The following MGAT5 variants were observed in gnomAD, a reference collection of about 807,000 sequenced individuals.
MGAT5 encodes the protein alpha-1,6-mannosylglycoprotein 6-beta-N-acetylglucosaminyltransferase A.
A neutral mutation model predicts 94.3 loss-of-function variants in MGAT5; 30 were observed. The observed-to-expected ratio is 0.32, with a 90% CI of 0.24 to 0.43. The LOEUF (loss-of-function observed/expected upper bound fraction) is 0.43. Ranked by LOEUF, MGAT5 falls within the 20% of genes least tolerant of loss-of-function variation. MGAT5 has a pLI of 1.00. For missense variants in MGAT5, 691 were observed against 905.5 expected, an observed-to-expected ratio of 0.76 and a Z score of 3.04; for synonymous variants, 310 against 322.9, an observed-to-expected ratio of 0.96 and a Z score of 0.43.
At chr2:134,386,065 G>A (rs546765587) in intron 10 of MGAT5, among the ~76,000 whole-genome samples, 1 of 152,206 alleles carries the variant, frequency 6.6e-6, no homozygotes, top group East Asian at 1.9e-4. Context: ...ATTTTGATCC[G>A]GTGACAAATT....
At chr2:134,398,709 A>AAAATATGTACAT (rs1553460805) in intron 10 of MGAT5, among the ~76,000 whole-genome samples, 16 of 150,848 alleles carry the variant, frequency 1.1e-4, no homozygotes, top group African/African-American at 3.6e-4. Flanking sequence ...ATGGATAAAG[A>AAAATATGTACAT]AAATATGTAC....
Position 134,421,854 on chromosome 2 carries a change from G to A in MGAT5, c.1678-949G>A, listed in dbSNP as rs533443422. Among the ~76,000 whole-genome samples, 3 of 152,148 alleles carry A rather than the reference G, an allele frequency of 2.0e-5. No homozygotes were observed. The South Asian group carries it at 6.2e-4, about 32-fold the overall frequency. Reference sequence around the variant, plus strand: ...GGACAGAGGTGGAAACAAAATCAGGGGATAAATTTAGCTGTATTAAAGAAT... The same window carrying A: ...GGACAGAGGTGGAAACAAAATCAGGAGATAAATTTAGCTGTATTAAAGAAT... On this transcript the variant is annotated intron_variant, in intron 12 of 15. Transcript: ENST00000281923.
intron 1 of MGAT5, among the ~76,000 whole-genome samples, chr2:134,135,677 T>G (rs1686371095): frequency 8.6e-6 from 1 of 115,956 alleles, no homozygotes; most frequent in Admixed American, 1.3e-4. Flanking sequence ...GGCAACAGAG[T>G]GAGACTCCAT....
At chr2:134,191,185 G>A (rs1333881304) in intron 1 of MGAT5, among the ~76,000 whole-genome samples, 1 of 152,220 alleles carries the variant, frequency 6.6e-6, no homozygotes, top group African/African-American at 2.4e-5. Context: ...ATAGTTGGTC[G>A]TACCTAATTG....
intron 2 of MGAT5, among the ~76,000 whole-genome samples, chr2:134,306,632 G>A (rs1176902177): frequency 2.0e-5 from 3 of 151,956 alleles, no homozygotes; most frequent in Non-Finnish European, 2.9e-5. Flanking sequence ...ATTTTACTTC[G>A]GAAGTTTGTC....
At chr2:134,157,231 T>C (rs1490854625) in intron 1 of MGAT5, among the ~76,000 whole-genome samples, 1 of 152,226 alleles carries the variant, frequency 6.6e-6, no homozygotes, top group Non-Finnish European at 1.5e-5. Flanking sequence ...ATGTTAATTT[T>C]TTTGTTTTGA....
At chr2:134,152,347 G>A (rs145528931) in intron 1 of MGAT5, among the ~76,000 whole-genome samples, 6,069 of 104,188 alleles carry the variant, frequency 0.058, 14 homozygotes, top group Non-Finnish European at 0.068. Context: ...ACCGCCATGG[G>A]ACCTCACTCA....
chr2:134,276,359 G>A (rs150815788), intron 2 of MGAT5, among the ~76,000 whole-genome samples: 5 of 152,274 alleles, frequency 3.3e-5, no homozygotes, highest in African/African-American at 7.2e-5. Context: ...ATTTCTTCTC[G>A]TGAAAGGACC....
chr2:134,255,456 A>AAT (rs945393073), intron 1 of MGAT5, among the ~76,000 whole-genome samples: 3 of 149,778 alleles, frequency 2.0e-5, no homozygotes, highest in South Asian at 2.1e-4. Context: ...TACACACACA[A>AAT]ATATATATAT....
At chr2:134,136,279 T>C (rs575748526) in intron 1 of MGAT5, among the ~76,000 whole-genome samples, 22 of 151,878 alleles carry the variant, frequency 1.4e-4, no homozygotes, top group Middle Eastern at 3.4e-3. Flanking sequence ...AAAAAAAAAA[T>C]TGGGGGGCCA....
At chr2:134,382,030 C>T (rs1036002879) in intron 10 of MGAT5, among the ~76,000 whole-genome samples, 5 of 151,990 alleles carry the variant, frequency 3.3e-5, no homozygotes, top group Non-Finnish European at 4.4e-5. Context: ...TTAATGCTAC[C>T]CCTGGAGCTT....
chr2:134,443,722 C>T (rs1176849462), intron 15 of MGAT5, among the ~76,000 whole-genome samples: 2 of 152,174 alleles, frequency 1.3e-5, no homozygotes, highest in African/African-American at 4.8e-5. Context: ...TTGTAGGGTC[C>T]TGTGAGGGGC....
At chr2:134,122,863 C>T (rs1381736558) in intron 1 of MGAT5, among the ~76,000 whole-genome samples, 1 of 152,248 alleles carries the variant, frequency 6.6e-6, no homozygotes, top group Non-Finnish European at 1.5e-5. Flanking sequence ...GGGCTCTGCC[C>T]AGATCTGCCG....
chr2:134,329,900 C>T (rs1297904222), intron 4 of MGAT5, among the ~76,000 whole-genome samples: 1 of 152,140 alleles, frequency 6.6e-6, no homozygotes, highest in Non-Finnish European at 1.5e-5. Context: ...CATGAGTAGA[C>T]ATCCTTTACC....
At chr2:134,225,143 C>T (rs529184333) in intron 1 of MGAT5, among the ~76,000 whole-genome samples, 3 of 151,572 alleles carry the variant, frequency 2.0e-5, no homozygotes, top group East Asian at 3.9e-4. Flanking sequence ...CTCAAGGCAC[C>T]GCATCAGGCT....
chr2:134,223,015 T>G (rs1680867649), intron 1 of MGAT5, among the ~76,000 whole-genome samples: 1 of 152,172 alleles, frequency 6.6e-6, no homozygotes, highest in Non-Finnish European at 1.5e-5. Context: ...ATATCTATAT[T>G]TATCTTCACA....
At chr2:134,409,971 G>T (rs1683553483) in intron 11 of MGAT5, among the ~76,000 whole-genome samples, 1 of 152,214 alleles carries the variant, frequency 6.6e-6, no homozygotes, top group Non-Finnish European at 1.5e-5. Flanking sequence ...CAGCCATGGA[G>T]ATATTTTGTC....
rs59026836 is a variant in MGAT5, at chr2:134,135,690, CAAAAAAAAAAA to C, written c.-143+15413_-143+15423del. Among the ~76,000 whole-genome samples the C allele has an allele frequency of 1.7e-4, 7 of 41,706 alleles. No homozygotes were observed. The South Asian group carries it at 2.5e-3, about 15-fold the overall frequency. 27.4% of individuals were successfully genotyped at this position (41,706 alleles called of 152,430 possible). A position where few individuals can be genotyped will look rare whatever the true frequency, so the allele number is the denominator to read the frequency against. On this transcript the variant is annotated intron_variant, in intron 1 of 16. Coordinates refer to the MGAT5 transcript ENST00000409645. Reference sequence around the variant, plus strand: ...CTGGCAACAGAGTGAGACTCCATCTCAAAAAAAAAAAAAAAAAAAAAAAAGAAACCTTGGCC... The same window carrying C: ...CTGGCAACAGAGTGAGACTCCATCTCAAAAAAAAAAAAAGAAACCTTGGCC...
intron 1 of MGAT5, among the ~76,000 whole-genome samples, chr2:134,138,218 T>TC (rs1275066071): frequency 1.3e-5 from 2 of 151,426 alleles, no homozygotes; most frequent in Non-Finnish European, 2.9e-5. Flanking sequence ...CATTGCCCTT[T>TC]TTTTTTTGGC....
Sources: allele counts gnomAD v4.1 joint callset (sites outside exome capture counted in the v4.1 genomes callset), GRCh38; gene constraint gnomAD v4.1.1; transcripts MANE v1.5; gene names NCBI Gene and HGNC (gene_info 2026-07-23, HGNC 2026-07-21).